Variants in CA10 observed in about 807,000 individuals in gnomAD.
CA10 encodes the protein carbonic anhydrase-related protein 10.
A neutral mutation model predicts 44.2 loss-of-function variants in CA10; 14 were observed. The observed-to-expected ratio is 0.32, with a 90% CI of 0.21 to 0.50. The LOEUF (loss-of-function observed/expected upper bound fraction) is 0.50. Ranked by LOEUF, CA10 falls within the 20% of genes least tolerant of loss-of-function variation. CA10 has a pLI of 0.99. For synonymous variants in CA10, 159 were observed against 141.6 expected, an observed-to-expected ratio of 1.12 and a Z score of -0.87; for missense variants, 350 against 409.7, an observed-to-expected ratio of 0.85 and a Z score of 1.26.
intron 1 of CA10, among the ~76,000 whole-genome samples, chr17:52,133,008 A>G (rs146338773): frequency 6.6e-6 from 1 of 152,296 alleles, no homozygotes; most frequent in Non-Finnish European, 1.5e-5. Flanking sequence ...CAGGCTGAGT[A>G]TGCAGATAAG....
chr17:51,638,591 T>C (rs1258516655), intron 6 of CA10, among the ~76,000 whole-genome samples: 1 of 152,130 alleles, frequency 6.6e-6, no homozygotes, highest in East Asian at 1.9e-4. Context: ...TAAGTTAACA[T>C]TGGATATCAG....
chr17:51,781,763 G>A (rs983973706), intron 3 of CA10, among the ~76,000 whole-genome samples: 4 of 152,126 alleles, frequency 2.6e-5, no homozygotes, highest in African/African-American at 9.7e-5. Flanking sequence ...TATAGACTTT[G>A]CTGTTAGAAC....
At chr17:51,846,459 T>A (rs932675149) in intron 3 of CA10, among the ~76,000 whole-genome samples, 1 of 152,216 alleles carries the variant, frequency 6.6e-6, no homozygotes, top group African/African-American at 2.4e-5. Context: ...TGCACAATGA[T>A]CTAAGTGCTT....
At chr17:52,050,519 A>C (rs974148916) in intron 2 of CA10, among the ~76,000 whole-genome samples, 4 of 151,954 alleles carry the variant, frequency 2.6e-5, no homozygotes, top group African/African-American at 9.7e-5. Context: ...CTCTATAATC[A>C]CTCACTACTG....
At chr17:51,808,897 C>T (rs1023733239) in intron 3 of CA10, among the ~76,000 whole-genome samples, 1 of 152,028 alleles carries the variant, frequency 6.6e-6, no homozygotes, top group Non-Finnish European at 1.5e-5. Context: ...TTTATAATTT[C>T]AAAAATGACA....
chr17:51,850,898 G>T (rs1231772868), intron 3 of CA10, among the ~76,000 whole-genome samples: 2 of 152,194 alleles, frequency 1.3e-5, no homozygotes, highest in Non-Finnish European at 2.9e-5. Context: ...TCATGGGAGT[G>T]CAGGGACAGC....
intron 1 of CA10, 75 bp downstream of exon 1, chr17:52,157,651 A>C: frequency 7.3e-7 from 1 of 1,365,420 alleles, no homozygotes; most frequent in Non-Finnish European, 1.0e-6. Context: ...CCGCGGCTAT[A>C]TACAATAAAA....
chr17:51,938,473 T>C (rs531975241), intron 2 of CA10, among the ~76,000 whole-genome samples: 2 of 152,256 alleles, frequency 1.3e-5, no homozygotes, highest in East Asian at 3.9e-4. Flanking sequence ...CTTAATTCCA[T>C]ACTTTCAATG....
Position 51,705,766 on chromosome 17 carries a change from T to C in CA10, c.465+41867A>G, listed in dbSNP as rs542858699. ...GAGGACCCTTTTGAACCAAAATGGA[T>C]GCAACAATAGCTGTGAAGCCACTGC... On this transcript the variant is annotated intron_variant, in intron 4 of 8. Coordinates refer to ENST00000451037, the MANE Select transcript of CA10 (RefSeq NM_020178.5). Among the ~76,000 whole-genome samples, 7 of 152,250 alleles carry C rather than the reference T, an allele frequency of 4.6e-5. No individual in the cohort carries two copies. The East Asian group carries it at 1.4e-3, about 29-fold the overall frequency.
At chr17:52,029,246 C>A (rs1032757343) in intron 2 of CA10, among the ~76,000 whole-genome samples, 5 of 152,148 alleles carry the variant, frequency 3.3e-5, no homozygotes, top group African/African-American at 9.6e-5. Context: ...CCTGGACCCC[C>A]TCTTGCCTGA....
intron 2 of CA10, among the ~76,000 whole-genome samples, chr17:51,955,843 G>A (rs1202175223): frequency 6.6e-6 from 1 of 152,202 alleles, no homozygotes; most frequent in Non-Finnish European, 1.5e-5. Flanking sequence ...AGGGGGAAAG[G>A]GGAGGGAGAG....
At chr17:51,937,302 C>T (rs1982904595) in intron 2 of CA10, among the ~76,000 whole-genome samples, 1 of 152,170 alleles carries the variant, frequency 6.6e-6, no homozygotes, top group Admixed American at 6.5e-5. Context: ...GTCTCTTCCT[C>T]TCTTCTCAAC....
At chr17:51,828,229 A>G (rs1207737875) in intron 3 of CA10, among the ~76,000 whole-genome samples, 3 of 152,184 alleles carry the variant, frequency 2.0e-5, no homozygotes, top group Non-Finnish European at 4.4e-5. Context: ...CACTGCAGAC[A>G]GTGGTTTTCG....
chr17:52,139,639 T>A (rs1353012845), intron 1 of CA10, among the ~76,000 whole-genome samples: 2 of 152,002 alleles, frequency 1.3e-5, no homozygotes, highest in Non-Finnish European at 2.9e-5. Flanking sequence ...CAAACAGACT[T>A]GTAGTGAAGA....
At chr17:52,131,964 A>G (rs1469468648) in intron 1 of CA10, among the ~76,000 whole-genome samples, 2 of 151,972 alleles carry the variant, frequency 1.3e-5, no homozygotes, top group East Asian at 3.9e-4. Context: ...GAAAAATGAG[A>G]ACACATGGAC....
At chr17:51,879,577 CAGG>C (rs1980268183) in intron 3 of CA10, among the ~76,000 whole-genome samples, 2 of 152,022 alleles carry the variant, frequency 1.3e-5, no homozygotes, top group Admixed American at 1.3e-4. Flanking sequence ...CTCTAGAAAA[CAGG>C]AGTAGATAGA....
chr17:52,159,025 C>G (rs1989885576), upstream of CA10, among the ~76,000 whole-genome samples: 1 of 152,202 alleles, frequency 6.6e-6, no homozygotes, highest in Non-Finnish European at 1.5e-5. Flanking sequence ...CGCACTCCGC[C>G]CCGCCCTGGC....
intron 3 of CA10, among the ~76,000 whole-genome samples, chr17:51,873,780 A>T (rs1415766323): frequency 6.6e-6 from 1 of 152,144 alleles, no homozygotes; most frequent in African/African-American, 2.4e-5. Flanking sequence ...TTGTTCTGGG[A>T]GTCACTCTGA....
chr17:51,757,479 C>T (rs1905107691), intron 3 of CA10, among the ~76,000 whole-genome samples: 1 of 152,198 alleles, frequency 6.6e-6, no homozygotes. Context: ...AAACAAGTAG[C>T]AAACCCAAGA....
Sources: gnomAD v4.1 joint callset for allele counts (sites outside exome capture counted in the v4.1 genomes callset) on GRCh38, gnomAD v4.1.1 for gene constraint, MANE v1.5 for transcripts, NCBI Gene and HGNC (gene_info 2026-07-23, HGNC 2026-07-21) for gene names.